The following SH3PXD2B variants were observed in gnomAD, a reference collection of about 807,000 sequenced individuals.
SH3PXD2B encodes the protein SH3 and PX domains 2B, also known as SH3 and PX domain-containing protein 2B.
A neutral mutation model predicts 73.1 loss-of-function variants in SH3PXD2B; 37 were observed. That is an observed-to-expected ratio of 0.51 (90% confidence interval 0.39 to 0.67). SH3PXD2B has a LOEUF of 0.67. SH3PXD2B is among the 30% of genes least tolerant of loss of function. The probability of loss-of-function intolerance (pLI) is 0.00; values close to 1 mark genes in which losing one functional copy is unlikely to be tolerated. For missense variants in SH3PXD2B, 1,053 were observed against 1,197.8 expected (o/e 0.88, Z 1.78); for synonymous variants, 457 against 480.5 (o/e 0.95, Z 0.64).
At chr5:172,428,527 A>G (rs574976545) in intron 1 of SH3PXD2B, among the ~76,000 whole-genome samples, 3 of 152,354 alleles carry the variant, frequency 2.0e-5, no homozygotes, top group Admixed American at 2.0e-4. Context: ...TGGGTGCTGA[A>G]CCACCAGGTG....
At chr5:172,409,752 G>A (rs761176558) in intron 2 of SH3PXD2B, among the ~76,000 whole-genome samples, 3 of 151,868 alleles carry the variant, frequency 2.0e-5, no homozygotes, top group Non-Finnish European at 4.4e-5. Context: ...TTTCGCTCTT[G>A]TTGCCCAGGC....
At chr5:172,410,916 G>C (rs961915924) in intron 2 of SH3PXD2B, among the ~76,000 whole-genome samples, 1 of 152,184 alleles carries the variant, frequency 6.6e-6, no homozygotes, top group Non-Finnish European at 1.5e-5. Flanking sequence ...ACACAGCTAA[G>C]TGGTGTGTCC....
chr5:172,430,833 G>A (rs897689988), intron 1 of SH3PXD2B, among the ~76,000 whole-genome samples: 1 of 151,574 alleles, frequency 6.6e-6, no homozygotes, highest in African/African-American at 2.4e-5. Context: ...CCTGGCCAAC[G>A]CCCCACTTGA....
chr5:172,403,502 C>T (rs1303436555), intron 3 of SH3PXD2B, among the ~76,000 whole-genome samples: 1 of 62,996 alleles, frequency 1.6e-5, no homozygotes, highest in Non-Finnish European at 3.0e-5. Flanking sequence ...TGGGGTCCAG[C>T]AGGACCTCTC....
chr5:172,333,317 G>T (rs905867298), downstream of SH3PXD2B, among the ~76,000 whole-genome samples: 6 of 152,066 alleles, frequency 3.9e-5, no homozygotes, highest in Non-Finnish European at 8.8e-5. Flanking sequence ...GCTTTCCCTT[G>T]GTTTGTGGAC....
chr5:172,434,474 G>C (rs1042433845), intron 1 of SH3PXD2B, among the ~76,000 whole-genome samples: 1 of 152,146 alleles, frequency 6.6e-6, no homozygotes, highest in South Asian at 2.1e-4. Context: ...GCTGTCCCCA[G>C]GGTCGGATGA....
At chr5:172,361,863 C>T (rs896689193) in intron 7 of SH3PXD2B, among the ~76,000 whole-genome samples, 1 of 152,186 alleles carries the variant, frequency 6.6e-6, no homozygotes, top group African/African-American at 2.4e-5. Context: ...CATCTTTCTC[C>T]TCTTCTTTGG....
chr5:172,426,001 C>G (rs1174975448), intron 1 of SH3PXD2B, among the ~76,000 whole-genome samples: 3 of 151,980 alleles, frequency 2.0e-5, no homozygotes, highest in African/African-American at 7.3e-5. Context: ...ACACTGCCAA[C>G]AGGGATTAAA....
intron 1 of SH3PXD2B, among the ~76,000 whole-genome samples, chr5:172,428,238 G>T (rs1759148041): frequency 6.6e-6 from 1 of 152,190 alleles, no homozygotes; most frequent in Non-Finnish European, 1.5e-5. Context: ...AGTCTTGGTT[G>T]TAAGGAAACA....
chr5:172,362,503 C>T (rs1383285260), intron 7 of SH3PXD2B, among the ~76,000 whole-genome samples: 1 of 152,248 alleles, frequency 6.6e-6, no homozygotes, highest in African/African-American at 2.4e-5. Context: ...AAAATGTCAA[C>T]GTCAGAACAA....
intron 6 of SH3PXD2B, among the ~76,000 whole-genome samples, chr5:172,371,491 C>T (rs1757703190): frequency 6.6e-6 from 1 of 152,202 alleles, no homozygotes; most frequent in Non-Finnish European, 1.5e-5. Flanking sequence ...ATGTTAGATC[C>T]CTTCAAAATT....
chr5:172,426,065 C>G (rs1044335859), intron 1 of SH3PXD2B, among the ~76,000 whole-genome samples: 20 of 152,080 alleles, frequency 1.3e-4, no homozygotes, highest in Non-Finnish European at 1.9e-4. Context: ...CAACAAAAAG[C>G]ACACTCCCAT....
chr5:172,406,228 T>C, intron 3 of SH3PXD2B, 49 bp downstream of exon 3: 1 of 1,589,090 alleles, frequency 6.3e-7, no homozygotes. Context: ...CTCTGGGAAC[T>C]GTAACAGAGC....
At chr5:172,371,429 G>A (rs1757701475) in intron 6 of SH3PXD2B, among the ~76,000 whole-genome samples, 1 of 152,188 alleles carries the variant, frequency 6.6e-6, no homozygotes, top group African/African-American at 2.4e-5. Context: ...AGGCAGATAA[G>A]CCTTCTCCAA....
At chr5:172,328,184 T>G (rs1372024190) in intron 12 of SH3PXD2B, among the ~76,000 whole-genome samples, 1 of 151,092 alleles carries the variant, frequency 6.6e-6, no homozygotes, top group Non-Finnish European at 1.5e-5. Flanking sequence ...TGGAGTACAA[T>G]GGCGTGGTCT....
At chr5:172,333,254 C>T (rs372821506), downstream of SH3PXD2B, among the ~76,000 whole-genome samples, 7 of 152,016 alleles carry the variant, frequency 4.6e-5, no homozygotes, top group African/African-American at 1.7e-4. Context: ...ACACTCTTGA[C>T]CATCAGGAGG....
chr5:172,330,741 C>T (rs970781375), downstream of SH3PXD2B, among the ~76,000 whole-genome samples: 3 of 152,240 alleles, frequency 2.0e-5, no homozygotes, highest in Non-Finnish European at 4.4e-5. Flanking sequence ...TGCCCAAGTT[C>T]ATCCTCTTAC....
In SH3PXD2B at chr5:172,333,741, C is replaced by T; in HGVS notation, c.*4628G>A. 1 of 1,289,392 alleles carries T rather than the reference C, an allele frequency of 7.8e-7. No individual in the cohort carries two copies. The highest frequency in any genetic ancestry group is 1.2e-5 in the South Asian group (1 of 80,996). 79.9% of individuals were successfully genotyped at this position (1,289,392 alleles called of 1,614,324 possible). A position where few individuals can be genotyped will look rare whatever the true frequency, so the allele number is the denominator to read the frequency against. On this transcript the variant is annotated 3_prime_UTR_variant, in exon 13 of 13. Transcript: ENST00000311601. ...TCTCCAGCGTCATCCTATGAGCAGA[C>T]ACGAGGTGGTGGGCAGTGCCCACTG...
chr5:172,420,268 ATAT>A (rs1305166401), intron 2 of SH3PXD2B, among the ~76,000 whole-genome samples: 1 of 152,222 alleles, frequency 6.6e-6, no homozygotes, highest in Non-Finnish European at 1.5e-5. Context: ...ATACTGTTTG[ATAT>A]TATTGCATAC....
Sources: gnomAD v4.1 joint callset for allele counts (sites outside exome capture counted in the v4.1 genomes callset) on GRCh38, gnomAD v4.1.1 for gene constraint, MANE v1.5 for transcripts, NCBI Gene and HGNC (gene_info 2026-07-23, HGNC 2026-07-21) for gene names.